STOML3: variants seen among roughly 807,000 people sequenced by gnomAD.
STOML3 encodes the protein stomatin-like protein 3.
STOML3 carries 31 observed loss-of-function variants against 29.5 expected under a neutral mutation model. The observed-to-expected ratio is 1.05, with a 90% CI of 0.79 to 1.42. STOML3 has a LOEUF of 1.42. STOML3 is among the 40% of genes most tolerant of loss of function. The pLI is 0.00. For synonymous variants in STOML3, 122 were observed against 139.8 expected, an observed-to-expected ratio of 0.87 and a Z score of 0.90; for missense variants, 380 against 363.0, an observed-to-expected ratio of 1.05 and a Z score of -0.38.
chr13:38,970,102 T>C, intron 5 of STOML3, 83 bp downstream of exon 5: 1 of 1,341,832 alleles, frequency 7.5e-7, no homozygotes, highest in South Asian at 1.4e-5. Context: ...TGGGGGATGC[T>C]TTGAACTGCT....
chr13:38,980,251 C>G (rs748239641), intron 1 of STOML3: 3 of 958,302 alleles, frequency 3.1e-6, no homozygotes, highest in Non-Finnish European at 3.1e-6. Flanking sequence ...GTCTCATTAG[C>G]TGCCAGTTAA....
chr13:38,986,422 G>A (rs997827359), intron 1 of STOML3, among the ~76,000 whole-genome samples: 10 of 152,114 alleles, frequency 6.6e-5, no homozygotes, highest in African/African-American at 2.2e-4. Flanking sequence ...AAGCAGGGAA[G>A]ACCAGATGCT....
intron 1 of STOML3, among the ~76,000 whole-genome samples, chr13:38,977,550 CTAACT>C (rs1881124057): frequency 6.6e-6 from 1 of 152,066 alleles, no homozygotes; most frequent in Non-Finnish European, 1.5e-5. Context: ...TTTGCCCTTT[CTAACT>C]TTTCATAAAA....
intron 6 of STOML3, among the ~76,000 whole-genome samples, chr13:38,967,728 G>T (rs1880709059): frequency 6.6e-6 from 1 of 152,124 alleles, no homozygotes; most frequent in African/African-American, 2.4e-5. Flanking sequence ...AACCAGATTT[G>T]AGTCAAAGAA....
chr13:38,983,402 G>C (rs1593506679), intron 1 of STOML3, among the ~76,000 whole-genome samples: 1 of 152,270 alleles, frequency 6.6e-6, no homozygotes, highest in African/African-American at 2.4e-5. Flanking sequence ...TTTTTGCTTT[G>C]AAAATGTACA....
chr13:38,975,439 C>A (rs1398761004), intron 3 of STOML3, among the ~76,000 whole-genome samples: 1 of 152,068 alleles, frequency 6.6e-6, no homozygotes, highest in Non-Finnish European at 1.5e-5. Context: ...GGCTTATGGC[C>A]AAGGGCAAAG....
intron 5 of STOML3, 88 bp downstream of exon 5, chr13:38,970,097 G>A (rs1349921221): frequency 1.6e-6 from 2 of 1,221,226 alleles, no homozygotes; most frequent in African/African-American, 3.0e-5. Flanking sequence ...TGTGGTGGGG[G>A]ATGCTTTGAA....
intron 4 of STOML3, among the ~76,000 whole-genome samples, chr13:38,971,722 A>C (rs1027745659): frequency 1.3e-4 from 20 of 152,120 alleles, no homozygotes; most frequent in African/African-American, 4.6e-4. Flanking sequence ...CAGGAGTTCG[A>C]GAGACCAGTC....
intron 3 of STOML3, 100 bp downstream of exon 3, chr13:38,976,440 T>G (rs560887554): frequency 7.3e-7 from 1 of 1,375,666 alleles, no homozygotes; most frequent in African/African-American, 1.4e-5. Flanking sequence ...GCAATTTTTC[T>G]TTGACTCTCA....
chr13:38,972,732 G>A (rs1593499501), intron 3 of STOML3, 138 bp from the exon 4 acceptor site: 1 of 688,134 alleles, frequency 1.5e-6, no homozygotes. Context: ...ATGAAACTCT[G>A]AGGAAAATGA....
chr13:38,967,832 A>G (rs1040847999), intron 6 of STOML3, among the ~76,000 whole-genome samples: 3 of 152,236 alleles, frequency 2.0e-5, no homozygotes, highest in African/African-American at 4.8e-5. Context: ...AGTTATCCAC[A>G]CAGGCATGAA....
chr13:38,988,123 A>ATAATATG (rs1269518429), intron 1 of STOML3, among the ~76,000 whole-genome samples: 2 of 91,088 alleles, frequency 2.2e-5, no homozygotes, highest in African/African-American at 1.0e-4. Context: ...TATTTTATAT[A>ATAATATG]TTATATTTTA....
intron 1 of STOML3, among the ~76,000 whole-genome samples, chr13:38,989,140 A>T (rs1185042950): frequency 6.6e-6 from 1 of 151,596 alleles, no homozygotes; most frequent in African/African-American, 2.4e-5. Flanking sequence ...TCTCCTAAAA[A>T]ACTACAAAAG....
At chr13:38,985,925 T>C (rs1868508886) in intron 1 of STOML3, among the ~76,000 whole-genome samples, 1 of 144,510 alleles carries the variant, frequency 6.9e-6, no homozygotes, top group African/African-American at 2.5e-5. Context: ...TTTTTTTTTT[T>C]TTTTTTTTGT....
At chr13:38,970,802 G>A (rs1373782800) in intron 4 of STOML3, among the ~76,000 whole-genome samples, 1 of 152,110 alleles carries the variant, frequency 6.6e-6, no homozygotes. Context: ...TTGAAGCAGT[G>A]ATTCTTAGAA....
chr13:38,969,079 T>A (rs898527418), intron 5 of STOML3, among the ~76,000 whole-genome samples: 1 of 152,198 alleles, frequency 6.6e-6, no homozygotes, highest in Admixed American at 6.5e-5. Flanking sequence ...AATGACTCAA[T>A]GCATATTATT....
At chr13:38,978,394 T>C (rs1202352693) in intron 1 of STOML3, among the ~76,000 whole-genome samples, 2 of 152,136 alleles carry the variant, frequency 1.3e-5, no homozygotes, top group African/African-American at 4.8e-5. Context: ...CCTCAAGTGA[T>C]TCTCCTGCCT....
At chr13:38,985,410 G>A (rs781266388) in intron 1 of STOML3, among the ~76,000 whole-genome samples, 6 of 152,058 alleles carry the variant, frequency 3.9e-5, no homozygotes, top group African/African-American at 7.2e-5. Context: ...GAAACAGAGC[G>A]AGAGAGAGAC....
rs1206078275 is a variant in STOML3, at chr13:38,966,378, CAT to C, written c.*445_*446del. On this transcript the variant is annotated 3_prime_UTR_variant, in exon 7 of 7. Coordinates refer to ENST00000379631, the MANE Select transcript of STOML3 (RefSeq NM_145286.3). ...CAGCATTGTGGGGTTTGATTGCAAC[CAT>C]TGGAGATTTAGCAAATAACAACTTC... The C allele has an allele frequency of 1.3e-5, 2 of 152,916 alleles. No individual in the cohort carries two copies. The highest frequency in any genetic ancestry group is 4.8e-5 in the African/African-American group (2 of 41,428). 9.5% of individuals were successfully genotyped at this position (152,916 alleles called of 1,614,324 possible).
Sources: allele counts gnomAD v4.1 joint callset (sites outside exome capture counted in the v4.1 genomes callset), GRCh38; gene constraint gnomAD v4.1.1; transcripts MANE v1.5; gene names NCBI Gene and HGNC (gene_info 2026-07-23, HGNC 2026-07-21).